Variants in INPP4B observed in about 807,000 individuals in gnomAD.
INPP4B encodes the protein inositol polyphosphate-4-phosphatase type II B, also known as inositol polyphosphate 4-phosphatase type II.
Under a neutral mutation model 122.5 loss-of-function variants are expected in INPP4B, and 55 were observed. The observed-to-expected ratio is 0.45, with a 90% CI of 0.36 to 0.56. The LOEUF is 0.56. INPP4B is among the 20% of genes least tolerant of loss of function. The pLI is 0.00. For synonymous variants in INPP4B, 403 were observed against 388.7 expected (o/e 1.04, Z -0.43); for missense variants, 1,000 against 1,097.7 (o/e 0.91, Z 1.26).
rs1164559806 is a variant in INPP4B, at chr4:142,128,386, C to T, written c.1721-3626G>A. ...ACACACACACACACACACATACACA[C>T]ACATACCTTTTTTATAAACCTAGTG... is the stretch of plus-strand genomic sequence containing the variant. On this transcript the variant is annotated intron_variant, in intron 18 of 25. Coordinates refer to ENST00000262992, the MANE Select transcript of INPP4B (RefSeq NM_001101669.3). Among the ~76,000 whole-genome samples the T allele has an allele frequency of 7.0e-5, 10 of 142,076 alleles. No individual in the cohort carries two copies. The Middle Eastern group carries it at 0.019, about 271-fold the overall frequency. 93.2% of individuals were successfully genotyped at this position (142,076 alleles called of 152,430 possible). A position where few individuals can be genotyped will look rare whatever the true frequency, so the allele number is the denominator to read the frequency against.
chr4:142,155,023 T>C (rs574104989), intron 17 of INPP4B, among the ~76,000 whole-genome samples: 4 of 151,500 alleles, frequency 2.6e-5, no homozygotes, highest in African/African-American at 7.3e-5. Flanking sequence ...TATATATATA[T>C]ACATATATTA....
At chr4:142,398,402 ATATATATATATATATAT>A (rs1256452372) in intron 7 of INPP4B, among the ~76,000 whole-genome samples, 3 of 6,388 alleles carry the variant, frequency 4.7e-4, no homozygotes, top group African/African-American at 1.4e-3. Flanking sequence ...AAAAAAAAAA[ATATATATATATATATAT>A]ATATATATAT....
intron 10 of INPP4B, among the ~76,000 whole-genome samples, chr4:142,264,072 A>C (rs905760531): frequency 6.6e-6 from 1 of 152,074 alleles, no homozygotes; most frequent in African/African-American, 2.4e-5. Context: ...TTGAGTTTAT[A>C]CTTTCAGAGA....
At chr4:142,566,329 A>G (rs548344185) in intron 2 of INPP4B, 2 of 152,306 alleles carry the variant, frequency 1.3e-5, no homozygotes, top group African/African-American at 4.8e-5. Flanking sequence ...AGAAAAGGAA[A>G]GTTAACACAG....
rs1351892995 is a variant in INPP4B at position 142,160,521 on chromosome 4, C to T, written c.1400G>A (p.Arg467Lys). 1 of 1,609,478 alleles carries T rather than the reference C, an allele frequency of 6.2e-7. No individual in the cohort carries two copies. Among genetic ancestry groups the T allele is most frequent in the Admixed American group, 1.7e-5 (1 of 59,632 alleles). Residue 467 changes from arginine to lysine, a missense_variant, in exon 17 of 26, where the codon AGG (arginine) becomes AAG (lysine). By Grantham distance (26) the Arg-to-Lys change is conservative. Coordinates refer to ENST00000262992, the MANE Select transcript of INPP4B (RefSeq NM_001101669.3). ...AGTGTAGAGTGCTAAAAGAGCACTC[C>T]TGACAAGTTGATCCTTGAAGGCATG... ...FVHAFKDQLV[R>K]SALLALYTAR...
intron 15 of INPP4B, among the ~76,000 whole-genome samples, chr4:142,179,866 C>A (rs918570206): frequency 6.6e-6 from 1 of 152,162 alleles, no homozygotes; most frequent in Non-Finnish European, 1.5e-5. Flanking sequence ...TTGCCACCTT[C>A]CAAGGTCTAG....
intron 12 of INPP4B, among the ~76,000 whole-genome samples, chr4:142,213,603 T>C (rs1054858404): frequency 6.6e-6 from 1 of 152,178 alleles, no homozygotes; most frequent in African/African-American, 2.4e-5. Context: ...GTGATTTTGA[T>C]TGTGCTCACT....
intron 25 of INPP4B, among the ~76,000 whole-genome samples, chr4:142,036,633 T>C (rs1172181017): frequency 6.6e-6 from 1 of 152,212 alleles, no homozygotes; most frequent in Non-Finnish European, 1.5e-5. Flanking sequence ...GTATATGTCC[T>C]CCAAGTGAAA....
chr4:142,534,329 T>C (rs915929961), intron 2 of INPP4B, among the ~76,000 whole-genome samples: 1 of 152,100 alleles, frequency 6.6e-6, no homozygotes. Flanking sequence ...GCAACAGTAT[T>C]AAGAGATGTT....
chr4:142,522,440 C>T (rs1826215847), intron 2 of INPP4B, among the ~76,000 whole-genome samples: 1 of 149,622 alleles, frequency 6.7e-6, no homozygotes, highest in Non-Finnish European at 1.5e-5. Context: ...TTTGAATTGG[C>T]CTCAAGACAT....
chr4:142,448,013 T>C (rs1813284650), intron 3 of INPP4B, among the ~76,000 whole-genome samples: 1 of 152,000 alleles, frequency 6.6e-6, no homozygotes, highest in South Asian at 2.1e-4. Context: ...AGTGAGATGA[T>C]TGGGAGAAGA....
At chr4:142,220,414 A>G (rs1848906992) in intron 12 of INPP4B, among the ~76,000 whole-genome samples, 1 of 152,220 alleles carries the variant, frequency 6.6e-6, no homozygotes, top group Non-Finnish European at 1.5e-5. Flanking sequence ...TTTACTTTCT[A>G]GTTATTTAAC....
intron 2 of INPP4B, among the ~76,000 whole-genome samples, chr4:142,579,934 G>GATAT (rs1734712797): frequency 6.8e-6 from 1 of 146,428 alleles, no homozygotes; most frequent in Non-Finnish European, 1.5e-5. Context: ...TAGATAGATA[G>GATAT]ATATCCTATT....
intron 25 of INPP4B, among the ~76,000 whole-genome samples, chr4:142,062,694 C>A (rs559508490): frequency 1.3e-5 from 2 of 152,206 alleles, no homozygotes; most frequent in East Asian, 3.9e-4. Context: ...CAAGATGGCA[C>A]CACTGCACTC....
At chr4:142,705,358 A>G (rs1473419014) in intron 2 of INPP4B, among the ~76,000 whole-genome samples, 1 of 151,934 alleles carries the variant, frequency 6.6e-6, no homozygotes, top group Non-Finnish European at 1.5e-5. Flanking sequence ...TTTTTTGTGT[A>G]TCTCAGTGAA....
At chr4:142,166,325 C>T (rs1822679150) in intron 16 of INPP4B, among the ~76,000 whole-genome samples, 1 of 151,720 alleles carries the variant, frequency 6.6e-6, no homozygotes, top group South Asian at 2.1e-4. Flanking sequence ...CTGTTTTCCT[C>T]TGGCTAGCCA....
intron 10 of INPP4B, among the ~76,000 whole-genome samples, chr4:142,269,077 G>A (rs890568967): frequency 6.6e-6 from 1 of 152,078 alleles, no homozygotes; most frequent in African/African-American, 2.4e-5. Context: ...ATGTCCACAG[G>A]GAGGGGACAA....
chr4:142,602,684 G>A (rs1231625408), intron 2 of INPP4B, among the ~76,000 whole-genome samples: 1 of 152,186 alleles, frequency 6.6e-6, no homozygotes, highest in Non-Finnish European at 1.5e-5. Flanking sequence ...ACACCAGTCA[G>A]AATGGCTATG....
intron 2 of INPP4B, among the ~76,000 whole-genome samples, chr4:142,648,695 C>T (rs1237515446): frequency 6.6e-6 from 1 of 152,216 alleles, no homozygotes; most frequent in East Asian, 1.9e-4. Flanking sequence ...GCGGAGCCCA[C>T]CACAGCTCAG....
Sources: gnomAD v4.1 joint callset for allele counts (sites outside exome capture counted in the v4.1 genomes callset) on GRCh38, gnomAD v4.1.1 for gene constraint, MANE v1.5 for transcripts, NCBI Gene and HGNC (gene_info 2026-07-23, HGNC 2026-07-21) for gene names.